SIRPA: variants seen among roughly 807,000 people sequenced by gnomAD.
The protein encoded by SIRPA is tyrosine-protein phosphatase non-receptor type substrate 1.
In SIRPA, 9 loss-of-function variants were observed where a neutral mutation model predicts 50.3. The observed-to-expected ratio is 0.18, with a 90% CI of 0.11 to 0.31. The LOEUF is 0.31. Among genes scored for constraint, SIRPA ranks in the 10% least tolerant of loss-of-function variants. The pLI, the probability that SIRPA is intolerant of heterozygous loss-of-function variation, is 1.00. For missense variants in SIRPA, 474 were observed against 661.6 expected (o/e 0.72, Z 3.11); for synonymous variants, 265 against 284.1 (o/e 0.93, Z 0.68).
chr20:1,926,497 G>A (rs1265999514), intron 5 of SIRPA, among the ~76,000 whole-genome samples: 1 of 152,224 alleles, frequency 6.6e-6, no homozygotes, highest in Non-Finnish European at 1.5e-5. Flanking sequence ...CTGCAGCTCT[G>A]GTAAAGGCCA....
rs1216171302 is a variant in SIRPA, at chr20:1,898,066, C to T, written c.79+2540C>T. 1.3e-5 allele frequency among the ~76,000 whole-genome samples: 2 copies of T among 152,202 alleles called. No individual in the cohort carries two copies. The highest frequency in any genetic ancestry group is 4.8e-5 in the African/African-American group (2 of 41,444). On this transcript the variant is annotated intron_variant, in intron 1 of 7. Transcript: ENST00000358771. The surrounding 1 kb of genome is among the most constrained non-coding windows in gnomAD (Gnocchi z 4.3). ...TGAGACCTCTGAGTCACCCCCCAGGCCGACCTCAGATAAACTCCCATTCAT... is the reference window on the plus strand; with the variant it reads ...TGAGACCTCTGAGTCACCCCCCAGGTCGACCTCAGATAAACTCCCATTCAT...
Position 1,936,354 on chromosome 20 carries a change from C to T in SIRPA, c.1267-966C>T, listed in dbSNP as rs2122203983. Among the ~76,000 whole-genome samples, 1 of 152,286 alleles carries T rather than the reference C, an allele frequency of 6.6e-6. No individual in the cohort carries two copies. Among genetic ancestry groups the T allele is most frequent in the Non-Finnish European group, 1.5e-5 (1 of 68,018 alleles). ...AGACAGATGCTCAATAGGTACCAGG[C>T]TCTGTTCTAAACGCTTTACCTGGAT... On this transcript the variant is annotated intron_variant, in intron 7 of 7. Coordinates refer to ENST00000358771, the MANE Select transcript of SIRPA (RefSeq NM_001040023.2). This position sits in a 1 kb window ranked among gnomAD's most constrained non-coding sequence, Gnocchi z 4.2.
chr20:1,921,792 C>G, intron 3 of SIRPA, 80 bp downstream of exon 3: 12 of 1,556,320 alleles, frequency 7.7e-6, no homozygotes, highest in Non-Finnish European at 9.7e-6. Flanking sequence ...TCCAGCTCTA[C>G]TCTTGCTCCA....
chr20:1,919,199 G>T (rs1985495966), intron 2 of SIRPA, among the ~76,000 whole-genome samples: 1 of 152,246 alleles, frequency 6.6e-6, no homozygotes, highest in Non-Finnish European at 1.5e-5. Context: ...CTGCTCTTTA[G>T]GATCATCTGG....
upstream of SIRPA, chr20:1,894,606 C>A (rs1277988446): frequency 2.6e-5 from 4 of 151,224 alleles, no homozygotes; most frequent in Non-Finnish European, 1.5e-5. The surrounding 1 kb of genome is among the most constrained non-coding windows in gnomAD (Gnocchi z 4.0). Context: ...GGCACGCTGT[C>A]GGAGCCGGAG....
At chr20:1,929,355 A>G (rs1600452418) in intron 6 of SIRPA, among the ~76,000 whole-genome samples, 1 of 152,146 alleles carries the variant, frequency 6.6e-6, no homozygotes, top group East Asian at 1.9e-4. Context: ...CAGATTCTGG[A>G]TATATTTTGA....
Position 1,934,750 on chromosome 20 carries a change from C to T in SIRPA, c.1262C>T (p.Thr421Ile), listed in dbSNP as rs779843288. The T allele has an allele frequency of 1.2e-6, 2 of 1,614,098 alleles. No homozygotes were observed. Among genetic ancestry groups the T allele is most frequent in the East Asian group, 2.2e-5 (1 of 44,872 alleles). Residue 421 changes from threonine (T) to isoleucine (I), a missense_variant, in exon 7 of 8, where the codon ACA becomes ATA. Transcript: ENST00000358771. The surrounding 1 kb of genome is among the most constrained non-coding windows in gnomAD (Gnocchi z 4.6). The stretch of plus-strand genomic sequence containing the variant: ...CCCGAGAAGAATGCCAGAGAAATAA[C>T]ACAGGTACAGTCCTTGGTGAGATGC... ...HEPEKNAREI[T>I]QDTNDITYAD...
chr20:1,901,356 A>G (rs1228585743), intron 1 of SIRPA, among the ~76,000 whole-genome samples: 1 of 151,182 alleles, frequency 6.6e-6, no homozygotes, highest in Non-Finnish European at 1.5e-5. Context: ...TTTTTAGTAG[A>G]GACTGGGTTT....
rs1475834892 is a variant in SIRPA at position 1,922,357 on chromosome 20, A to C, written c.799A>C (p.Asn267His). The change falls in exon 4 of 8, where the codon AAC becomes CAC. Residue 267 changes from asparagine to histidine, a missense_variant. By Grantham distance (68) the Asn-to-His change is moderately conservative. Transcript: ENST00000358771. Reference sequence around the variant, plus strand: ...TACTCAACAGCCCGTGAGGGCAGAGAACCAGGTGAATGTCACCTGCCAGGT... The same window carrying C: ...TACTCAACAGCCCGTGAGGGCAGAGCACCAGGTGAATGTCACCTGCCAGGT... Reference protein sequence around the residue: ...EVTQQPVRAENQVNVTCQVRK... With the variant: ...EVTQQPVRAEHQVNVTCQVRK... The C allele has an allele frequency of 6.2e-7, 1 of 1,614,194 alleles. No homozygotes were observed. Among genetic ancestry groups the C allele is most frequent in the East Asian group, 2.2e-5 (1 of 44,882 alleles).
chr20:1,901,875 C>A (rs1984234587), intron 1 of SIRPA, among the ~76,000 whole-genome samples: 1 of 152,136 alleles, frequency 6.6e-6, no homozygotes, highest in South Asian at 2.1e-4. Context: ...GAGCGATGGG[C>A]CTCCCAGCCA....
rs570099376 is a variant in SIRPA, at chr20:1,936,867, T to C, written c.1267-453T>C. ...GCTGAGGAAGCACAAAGAAGGAACA[T>C]GGACCCTGCCAGGAGAGGGGAGAGC... On this transcript the variant is annotated intron_variant, in intron 7 of 7. Transcript: ENST00000358771. The surrounding 1 kb of genome is among the most constrained non-coding windows in gnomAD (Gnocchi z 4.2). Among the ~76,000 whole-genome samples the C allele has an allele frequency of 2.6e-5, 4 of 152,236 alleles. No homozygotes were observed. Among genetic ancestry groups the C allele is most frequent in the African/African-American group, 7.2e-5 (3 of 41,542 alleles).
At chr20:1,916,144 A>G (rs1985273463) in intron 2 of SIRPA, among the ~76,000 whole-genome samples, 1 of 152,150 alleles carries the variant, frequency 6.6e-6, no homozygotes, top group Admixed American at 6.5e-5. Context: ...GTCATCATAG[A>G]ATGTCTCTCA....
intron 4 of SIRPA, 81 bp downstream of exon 4, chr20:1,922,726 A>C (rs894341308): frequency 1.4e-6 from 2 of 1,419,568 alleles, no homozygotes; most frequent in Non-Finnish European, 9.5e-7. Context: ...GTAGTAATTC[A>C]TGCTTATTAT....
At chr20:1,908,067 G>T (rs950464207) in intron 1 of SIRPA, among the ~76,000 whole-genome samples, 1 of 152,170 alleles carries the variant, frequency 6.6e-6, no homozygotes, top group Non-Finnish European at 1.5e-5. Context: ...TCAAGGGCAC[G>T]ACCCTAGACA....
In SIRPA at chr20:1,934,792, C is replaced by G; in HGVS notation, c.1266+38C>G. On this transcript the variant is annotated intron_variant, in intron 7 of 7. Coordinates refer to ENST00000358771, the MANE Select transcript of SIRPA (RefSeq NM_001040023.2). This position sits in a 1 kb window ranked among gnomAD's most constrained non-coding sequence, Gnocchi z 4.6. ...GTGAGATGCCCTTCCTGGGAAACTC[C>G]GTGGCGTGGTTGCTTCACATCAACC... 6.2e-7 allele frequency: 1 copy of G among 1,611,632 alleles called. No individual in the cohort carries two copies. The highest frequency in any genetic ancestry group is 8.5e-7 in the Non-Finnish European group (1 of 1,178,066).
chr20:1,918,360 CTTT>C (rs60736526), intron 2 of SIRPA, among the ~76,000 whole-genome samples: 1,431 of 95,610 alleles, frequency 0.015, 11 homozygotes, highest in African/African-American at 0.055. Context: ...ACCACACCAG[CTTT>C]TTTTTTTTTT....
In SIRPA at chr20:1,924,858, C is replaced by G; in HGVS notation, c.1182C>G (p.Val394=). The change falls in exon 5 of 8, where the codon GTC becomes GTG. Residue 394 remains valine (V), a synonymous_variant. Transcript: ENST00000358771. The surrounding 1 kb of genome is among the most constrained non-coding windows in gnomAD (Gnocchi z 4.5). The stretch of plus-strand genomic sequence containing the variant: ...TACTGATGGCGGCCCTCTACCTCGT[C>G]CGAATCAGACAGAAGAAAGGTGGGT... ...VALLMAALYL[V]RIRQKKAQGS... 6.2e-7 allele frequency: 1 copy of G among 1,614,070 alleles called. No homozygotes were observed. The highest frequency in any genetic ancestry group is 8.5e-7 in the Non-Finnish European group (1 of 1,179,938).
chr20:1,904,453 C>G (rs6045331), intron 1 of SIRPA, among the ~76,000 whole-genome samples: 59,770 of 151,832 alleles, frequency 0.39, 12,001 homozygotes, highest in East Asian at 0.67. Context: ...GTGGGGGTTA[C>G]AACAGAGGGA....
rs148064717 is a variant in SIRPA at position 1,934,011 on chromosome 20, T to G, written c.1227-704T>G. ...ACTAAAAAGGAGAAAAAAAATACCA[T>G]GCAAAGACCACTGCAGTTTGCATTT... On this transcript the variant is annotated intron_variant, in intron 6 of 7. Coordinates refer to ENST00000358771, the MANE Select transcript of SIRPA (RefSeq NM_001040023.2). The surrounding 1 kb of genome is among the most constrained non-coding windows in gnomAD (Gnocchi z 4.6). 3.9e-4 allele frequency among the ~76,000 whole-genome samples: 59 copies of G among 152,342 alleles called. 1 individual carries two copies. The highest frequency in any genetic ancestry group is 1.4e-3 in the African/African-American group (58 of 41,582).
Sources: gnomAD v4.1 joint callset for allele counts (sites outside exome capture counted in the v4.1 genomes callset) on GRCh38, gnomAD v4.1.1 for gene constraint, Gnocchi (gnomAD v3.1) non-coding constraint, MANE v1.5 for transcripts, NCBI Gene and HGNC (gene_info 2026-07-23, HGNC 2026-07-21) for gene names.